Variants in SEMA4F observed in about 807,000 individuals in gnomAD.
SEMA4F encodes semaphorin-4F.
A neutral mutation model predicts 78.4 loss-of-function variants in SEMA4F; 51 were observed. That is an observed-to-expected ratio of 0.65 (90% CI 0.52 to 0.82). SEMA4F has a LOEUF of 0.82. SEMA4F is among the 40% of genes least tolerant of loss of function. The pLI, the probability that SEMA4F is intolerant of heterozygous loss-of-function variation, is 0.00. For missense variants in SEMA4F, 938 were observed against 1,014.4 expected, an observed-to-expected ratio of 0.92 and a Z score of 1.02; for synonymous variants, 418 against 408.7, an observed-to-expected ratio of 1.02 and a Z score of -0.27.
the SEMA4F span, among the ~76,000 whole-genome samples, chr2:74,701,056 G>T: frequency 2.0e-5 from 3 of 150,612 alleles, no homozygotes; most frequent in East Asian, 5.9e-4. Flanking sequence ...ATCTCTGATG[G>T]GTGGGGTATG....
intron 2 of SEMA4F, among the ~76,000 whole-genome samples, chr2:74,657,117 A>G (rs527260018): frequency 4.6e-5 from 7 of 152,368 alleles, no homozygotes; most frequent in African/African-American, 1.7e-4. Flanking sequence ...CTCAAAGGAA[A>G]TGCTCATTGG....
In SEMA4F at chr2:74,675,877, TGA is replaced by T; in HGVS notation, c.1613_1614del (p.Glu538ValfsTer26). ...TCTGTGCCTGGAGCTTCCGGCTGGA[TGA>T]GTGTGTGGCCCATGCCGGGGAGCAC... ...PVCAWSFRLD[E>X]CVAHAGEHRG... On this transcript the variant is annotated frameshift_variant, in exon 12 of 14. Coordinates refer to ENST00000357877, the MANE Select transcript of SEMA4F (RefSeq NM_004263.5). LOFTEE classifies it high-confidence loss of function. 6.2e-7 allele frequency: 1 copy of T among 1,613,996 alleles called. No individual in the cohort carries two copies. The highest frequency in any genetic ancestry group is 8.5e-7 in the Non-Finnish European group (1 of 1,179,972).
intron 5 of SEMA4F, among the ~76,000 whole-genome samples, chr2:74,668,474 T>TA (rs761464045): frequency 2.6e-5 from 4 of 152,034 alleles, no homozygotes; most frequent in East Asian, 3.8e-4. Flanking sequence ...ATTTTTTTTT[T>TA]AAAAAATATC....
rs892546393 is a variant in SEMA4F, at chr2:74,658,151, A to G, written c.456+200A>G. Among the ~76,000 whole-genome samples, 1 of 151,990 alleles carries G rather than the reference A, an allele frequency of 6.6e-6. No individual in the cohort carries two copies. The highest frequency in any genetic ancestry group is 1.9e-4 in the East Asian group (1 of 5,194). On this transcript the variant is annotated intron_variant, in intron 4 of 13. Transcript: ENST00000357877. The surrounding 1 kb of genome is among the most constrained non-coding windows in gnomAD (Gnocchi z 4.3). ...GTATGTGTAAGCCACTGAGGGAGGG[A>G]AAGGGAGGTTGTCTGGAGAGGGTAA...
intron 5 of SEMA4F, among the ~76,000 whole-genome samples, chr2:74,668,872 C>T (rs1372693553): frequency 1.3e-5 from 2 of 149,240 alleles, no homozygotes; most frequent in Admixed American, 1.3e-4. Flanking sequence ...TCAGGTTATC[C>T]ACCCGCCCCA....
chr2:74,678,748 A>T (rs1034680879), intron 12 of SEMA4F, among the ~76,000 whole-genome samples: 2 of 152,190 alleles, frequency 1.3e-5, no homozygotes, highest in Non-Finnish European at 2.9e-5. Context: ...TTGAAATAAC[A>T]CATAGGCCAG....
chr2:74,704,995 C>T, the SEMA4F span, among the ~76,000 whole-genome samples: 1 of 152,178 alleles, frequency 6.6e-6, no homozygotes, highest in South Asian at 2.1e-4. Flanking sequence ...CTCTTCATGA[C>T]CACTCATCCT....
At chr2:74,700,070 A>G in the SEMA4F span, among the ~76,000 whole-genome samples, 53,528 of 151,970 alleles carry the variant, frequency 0.35, 15,259 homozygotes, top group East Asian at 0.82. Flanking sequence ...TATGCGGAGA[A>G]TGGGAAGAAC....
At chr2:74,671,559 C>T (rs1684992147) in intron 5 of SEMA4F, among the ~76,000 whole-genome samples, 1 of 152,200 alleles carries the variant, frequency 6.6e-6, no homozygotes, top group Admixed American at 6.5e-5. Context: ...TGAGAGTGCT[C>T]TCTTCTGGCT....
At chr2:74,693,909 G>A in the SEMA4F span, among the ~76,000 whole-genome samples, 1 of 152,110 alleles carries the variant, frequency 6.6e-6, no homozygotes, top group East Asian at 1.9e-4. Context: ...GCTGCAGTAA[G>A]CAACCCCATA....
the SEMA4F span, among the ~76,000 whole-genome samples, chr2:74,698,183 T>C: frequency 1.3e-5 from 2 of 152,182 alleles, no homozygotes; most frequent in South Asian, 4.1e-4. Context: ...AGTGATGCTA[T>C]GGGAAATAAT....
At chr2:74,665,390 C>T (rs368562395) in intron 5 of SEMA4F, among the ~76,000 whole-genome samples, 257 of 151,736 alleles carry the variant, frequency 1.7e-3, no homozygotes, top group Middle Eastern at 6.8e-3. Context: ...TCACCATGCC[C>T]GGCTAATTTT....
intron 5 of SEMA4F, among the ~76,000 whole-genome samples, chr2:74,668,240 TGCATCTTGTGATGAAC>T (rs1156668415): frequency 1.3e-5 from 2 of 152,240 alleles, no homozygotes; most frequent in Non-Finnish European, 2.9e-5. Context: ...TTGGTGTCAT[TGCATCTTGTGATGAAC>T]GCATCTGCCA....
At chr2:74,690,111 C>G in the SEMA4F span, among the ~76,000 whole-genome samples, 2 of 152,200 alleles carry the variant, frequency 1.3e-5, no homozygotes, top group African/African-American at 4.8e-5. Context: ...CTAACACCCT[C>G]TTACTGAAAC....
At chr2:74,662,956 T>G in intron 5 of SEMA4F, 131 bp downstream of exon 5, 1 of 804,134 alleles carries the variant, frequency 1.2e-6, no homozygotes, top group Non-Finnish European at 2.1e-6. Flanking sequence ...TAGCCTTTCC[T>G]GTTCTTCCCT....
At chr2:74,662,218 G>A (rs1289101266) in intron 4 of SEMA4F, among the ~76,000 whole-genome samples, 1 of 152,178 alleles carries the variant, frequency 6.6e-6, no homozygotes, top group African/African-American at 2.4e-5. Flanking sequence ...TCCTTGGGGT[G>A]GGGAATAGGA....
chr2:74,675,471 TC>T (rs1362744194), intron 10 of SEMA4F, 53 bp from the exon 11 acceptor site: 1 of 1,596,266 alleles, frequency 6.3e-7, no homozygotes, highest in Non-Finnish European at 8.6e-7. Flanking sequence ...TAGGTCTGAG[TC>T]CCAGGCACAG....
intron 5 of SEMA4F, among the ~76,000 whole-genome samples, chr2:74,663,617 A>G (rs994655414): frequency 6.6e-6 from 1 of 152,152 alleles, no homozygotes; most frequent in Admixed American, 6.5e-5. Flanking sequence ...AAGGGGAGCC[A>G]GTGTGTCACA....
the SEMA4F span, among the ~76,000 whole-genome samples, chr2:74,695,412 C>T: frequency 1.3e-5 from 2 of 152,212 alleles, no homozygotes; most frequent in African/African-American, 4.8e-5. Context: ...GGACTTTTGT[C>T]GTCCTCAGCC....
Sources: allele counts gnomAD v4.1 joint callset (sites outside exome capture counted in the v4.1 genomes callset), GRCh38; gene constraint gnomAD v4.1.1; non-coding constraint Gnocchi (gnomAD v3.1); transcripts MANE v1.5; gene names NCBI Gene and HGNC (gene_info 2026-07-23, HGNC 2026-07-21).